OXR1: variants seen among roughly 807,000 people sequenced by gnomAD.
OXR1 encodes oxidation resistance 1, also known as oxidation resistance protein 1.
In OXR1, 41 loss-of-function variants were observed where a neutral mutation model predicts 104.6. The ratio of observed to expected loss-of-function variants is 0.39; its 90% CI spans 0.31 to 0.51. OXR1 has a LOEUF of 0.51. Among genes scored for constraint, OXR1 ranks in the 20% least tolerant of loss-of-function variants. The pLI is 0.77. For missense variants in OXR1, 955 were observed against 1,031.9 expected (o/e 0.93, Z 1.02); for synonymous variants, 348 against 348.4 (o/e 1.00, Z 0.01).
At chr8:106,591,306 A>C (rs1181189288) in intron 3 of OXR1, among the ~76,000 whole-genome samples, 1 of 26,930 alleles carries the variant, frequency 3.7e-5, no homozygotes, top group South Asian at 1.5e-3. Context: ...GGGAGGGGGG[A>C]GGGGGGAGGG....
intron 1 of OXR1, among the ~76,000 whole-genome samples, chr8:106,325,525 T>C (rs1814435103): frequency 6.6e-6 from 1 of 152,206 alleles, no homozygotes; most frequent in Non-Finnish European, 1.5e-5. Flanking sequence ...TAATAGCATC[T>C]ATGACCTAGG....
At chr8:106,537,660 A>G (rs1030525020) in intron 3 of OXR1, among the ~76,000 whole-genome samples, 77 of 144,292 alleles carry the variant, frequency 5.3e-4, no homozygotes, top group African/African-American at 1.9e-3. Context: ...GTGCATATGT[A>G]CCCTAGAACT....
intron 12 of OXR1, among the ~76,000 whole-genome samples, chr8:106,738,900 A>T (rs1834645054): frequency 2.6e-5 from 4 of 152,132 alleles, no homozygotes; most frequent in Admixed American, 6.6e-5. Flanking sequence ...AAAAGAAAGC[A>T]TTTAAAAAAA....
At chr8:106,549,004 A>G (rs1043104175) in intron 3 of OXR1, among the ~76,000 whole-genome samples, 1 of 152,212 alleles carries the variant, frequency 6.6e-6, no homozygotes, top group South Asian at 2.1e-4. Context: ...TGAATATATT[A>G]AAGTGGCATA....
chr8:106,681,346 G>A (rs1482526718), intron 4 of OXR1, among the ~76,000 whole-genome samples: 2 of 150,952 alleles, frequency 1.3e-5, no homozygotes, highest in Non-Finnish European at 3.0e-5. Context: ...AAGGATGTAG[G>A]CAGAACTAGA....
intron 2 of OXR1, among the ~76,000 whole-genome samples, chr8:106,398,691 C>G (rs934335382): frequency 1.3e-5 from 2 of 152,070 alleles, no homozygotes; most frequent in African/African-American, 2.4e-5. Flanking sequence ...TTTAAGTTTC[C>G]CTCTTCCCTT....
In OXR1 at chr8:106,732,812, A is replaced by G. The variant is rs191551174; in HGVS notation, c.1957-4708A>G. On this transcript the variant is annotated intron_variant, in intron 11 of 16. Transcript: ENST00000517566. The stretch of plus-strand genomic sequence containing the variant: ...TGTTTTGTTGAGAATTTTTGCATAT[A>G]TGTTAATGAGAGATAATTGCCTGTA... 1.9e-3 allele frequency among the ~76,000 whole-genome samples: 283 copies of G among 152,252 alleles called. 2 individuals carry two copies. Among genetic ancestry groups the G allele is most frequent in the African/African-American group, 6.5e-3 (271 of 41,566 alleles).
At chr8:106,365,156 T>C (rs1816414710) in intron 2 of OXR1, among the ~76,000 whole-genome samples, 1 of 152,136 alleles carries the variant, frequency 6.6e-6, no homozygotes, top group African/African-American at 2.4e-5. Context: ...TAGATATGAA[T>C]ATAAGGCTGA....
intron 11 of OXR1, among the ~76,000 whole-genome samples, chr8:106,716,117 G>T (rs939889392): frequency 4.6e-5 from 7 of 152,096 alleles, no homozygotes; most frequent in Admixed American, 6.5e-5. Flanking sequence ...TTAGATATAT[G>T]ATCTACTTTT....
rs540994657 is a variant in OXR1, at chr8:106,360,771, A to G, written c.23+1135A>G. On this transcript the variant is annotated intron_variant, in intron 2 of 16. Transcript: ENST00000517566. ...GTTTTTAAAAATGTAATTTTTGTAGAACCTGTGAGTCATTTTGAGCTCCTG... is the reference window on the plus strand; with the variant it reads ...GTTTTTAAAAATGTAATTTTTGTAGGACCTGTGAGTCATTTTGAGCTCCTG... Among the ~76,000 whole-genome samples, 9 of 152,278 alleles carry G rather than the reference A, an allele frequency of 5.9e-5. 1 individual carries two copies. In the East Asian group the frequency reaches 1.3e-3, roughly 23 times the overall value.
chr8:106,293,696 C>T (rs1025535983), intron 1 of OXR1, among the ~76,000 whole-genome samples: 5 of 152,138 alleles, frequency 3.3e-5, no homozygotes, highest in African/African-American at 1.2e-4. Context: ...TTACTGTATC[C>T]TCACGTGGCA....
intron 15 of OXR1, among the ~76,000 whole-genome samples, chr8:106,743,156 G>A (rs959919738): frequency 6.6e-6 from 1 of 152,008 alleles, no homozygotes; most frequent in African/African-American, 2.4e-5. Flanking sequence ...CATACATGTG[G>A]CCAAAAAAAC....
chr8:106,615,587 A>T (rs1367291545), intron 3 of OXR1, among the ~76,000 whole-genome samples: 1 of 149,086 alleles, frequency 6.7e-6, no homozygotes, highest in Non-Finnish European at 1.5e-5. Flanking sequence ...CACTCTTGGC[A>T]ACAGAGACAG....
At chr8:106,385,695 T>C (rs1817344198) in intron 2 of OXR1, among the ~76,000 whole-genome samples, 1 of 152,128 alleles carries the variant, frequency 6.6e-6, no homozygotes, top group African/African-American at 2.4e-5. Flanking sequence ...TTTTCCAGGT[T>C]CCAGGTTATG....
At chr8:106,443,905 C>T (rs1405656277) in intron 2 of OXR1, among the ~76,000 whole-genome samples, 4 of 151,890 alleles carry the variant, frequency 2.6e-5, no homozygotes, top group East Asian at 2.0e-4. Flanking sequence ...AGTTCACAGG[C>T]AACCTACAGA....
chr8:106,276,753 C>CAAAAAAAAAA (rs56303147), intron 1 of OXR1, among the ~76,000 whole-genome samples: 6 of 77,760 alleles, frequency 7.7e-5, no homozygotes, highest in African/African-American at 2.9e-4. Flanking sequence ...CTGTTAGAGG[C>CAAAAAAAAAA]AAAAAAAAAA....
At chr8:106,745,977 A>G (rs1376631688) in intron 16 of OXR1, 115 bp downstream of exon 16, 3 of 615,280 alleles carry the variant, frequency 4.9e-6, no homozygotes, top group Non-Finnish European at 8.6e-6. Flanking sequence ...TCAAATTTGT[A>G]TATTATGAAA....
intron 3 of OXR1, among the ~76,000 whole-genome samples, chr8:106,576,502 G>A (rs894018495): frequency 2.0e-5 from 3 of 146,962 alleles, no homozygotes; most frequent in African/African-American, 7.4e-5. Context: ...ATCAAATAGA[G>A]CCACAGGCTT....
intron 1 of OXR1, among the ~76,000 whole-genome samples, chr8:106,349,160 A>T (rs1214896093): frequency 1.3e-5 from 2 of 152,140 alleles, no homozygotes; most frequent in East Asian, 1.9e-4. Flanking sequence ...TTAAGAATTT[A>T]AAAAAATTAG....
Sources: gnomAD v4.1 joint callset for allele counts (sites outside exome capture counted in the v4.1 genomes callset) on GRCh38, gnomAD v4.1.1 for gene constraint, MANE v1.5 for transcripts, NCBI Gene and HGNC (gene_info 2026-07-23, HGNC 2026-07-21) for gene names.